PLCB4: variants seen among roughly 807,000 people sequenced by gnomAD.
PLCB4 encodes 1-phosphatidylinositol 4,5-bisphosphate phosphodiesterase beta-4.
In PLCB4, 77 loss-of-function variants were observed where a neutral mutation model predicts 178.8. The ratio of observed to expected loss-of-function variants is 0.43; its 90% CI spans 0.36 to 0.52. The LOEUF (loss-of-function observed/expected upper bound fraction) is 0.52, where lower values mean the gene tolerates loss of function less well. PLCB4 is among the 20% of genes least tolerant of loss of function. The pLI, the probability that PLCB4 is intolerant of heterozygous loss-of-function variation, is 0.00. For missense variants in PLCB4, 1,024 were observed against 1,453.4 expected, an observed-to-expected ratio of 0.70 and a Z score of 4.80; for synonymous variants, 496 against 490.8, an observed-to-expected ratio of 1.01 and a Z score of -0.14.
rs188966913 is a variant in PLCB4 at position 9,329,096 on chromosome 20, C to T, written c.85-8030C>T. ...CTAGCTGGCTGGTGCCATGTTGCCTCGTCCTTATTGTACACGTGGTGACAA... is the reference window on the plus strand; with the variant it reads ...CTAGCTGGCTGGTGCCATGTTGCCTTGTCCTTATTGTACACGTGGTGACAA... On this transcript the variant is annotated intron_variant, in intron 4 of 39. Transcript: ENST00000378473. Among the ~76,000 whole-genome samples, 7 of 152,260 alleles carry T rather than the reference C, an allele frequency of 4.6e-5. No individual in the cohort carries two copies. In the East Asian group the frequency reaches 1.4e-3, roughly 29 times the overall value.
chr20:9,466,618 A>G (rs1334259431), intron 35 of PLCB4, among the ~76,000 whole-genome samples: 1 of 152,244 alleles, frequency 6.6e-6, no homozygotes, highest in Non-Finnish European at 1.5e-5. Flanking sequence ...AAGTAGGCAA[A>G]GGATATGAAC....
intron 20 of PLCB4, among the ~76,000 whole-genome samples, chr20:9,401,815 C>T (rs2039050231): frequency 6.6e-6 from 1 of 152,264 alleles, no homozygotes; most frequent in Non-Finnish European, 1.5e-5. Context: ...AACCACTACC[C>T]ATTTGGCCAG....
intron 2 of PLCB4, among the ~76,000 whole-genome samples, chr20:9,197,312 A>G (rs1211831508): frequency 6.6e-6 from 1 of 152,180 alleles, no homozygotes; most frequent in Admixed American, 6.5e-5. Flanking sequence ...CAATATGGGC[A>G]CCACTTGCTG....
intron 2 of PLCB4, among the ~76,000 whole-genome samples, chr20:9,144,725 AAGGAGGGGAAGGAGG>A (rs2092563525): frequency 3.0e-4 from 2 of 6,752 alleles, no homozygotes; most frequent in African/African-American, 1.5e-3. Context: ...GAAGAAGGGG[AAGGAGGGGAAGGAGG>A]GGAAGGAGGG....
At chr20:9,444,337 C>T (rs927699462) in intron 32 of PLCB4, 94 bp downstream of exon 32, 1 of 735,852 alleles carries the variant, frequency 1.4e-6, no homozygotes. Flanking sequence ...GACCACTTAA[C>T]AGTAATAACT....
At chr20:9,093,718 C>T in intron 1 of PLCB4, among the ~76,000 whole-genome samples, 1 of 151,892 alleles carries the variant, frequency 6.6e-6, no homozygotes, top group Non-Finnish European at 1.5e-5. Flanking sequence ...TTCCCCAAAC[C>T]ATGACATAAA....
chr20:9,458,488 C>T (rs1162277490), intron 34 of PLCB4, among the ~76,000 whole-genome samples: 4 of 152,214 alleles, frequency 2.6e-5, no homozygotes, highest in Non-Finnish European at 5.9e-5. Context: ...ACAACTACTA[C>T]AGTTTATTAG....
chr20:9,342,535 A>G (rs1028994810), intron 7 of PLCB4, among the ~76,000 whole-genome samples: 11 of 152,296 alleles, frequency 7.2e-5, no homozygotes, highest in African/African-American at 2.4e-4. Flanking sequence ...TAATTCATAT[A>G]TACCTTAAAC....
At chr20:9,395,727 G>T (rs2038527811) in intron 19 of PLCB4, 109 bp downstream of exon 19, 2 of 711,156 alleles carry the variant, frequency 2.8e-6, no homozygotes, top group Admixed American at 2.4e-5. Flanking sequence ...ACTTGGGGAG[G>T]CCAAGGTGGG....
At chr20:9,069,565 C>T (rs1404533474) in intron 1 of PLCB4, among the ~76,000 whole-genome samples, 2 of 152,044 alleles carry the variant, frequency 1.3e-5, no homozygotes. Context: ...ATCTTCTTGC[C>T]TCTTCTGGGG....
chr20:9,478,894 C>G (rs776523695), intron 39 of PLCB4, 27 bp from the exon 40 acceptor site: 1 of 1,576,888 alleles, frequency 6.3e-7, no homozygotes, highest in African/African-American at 1.3e-5. Flanking sequence ...TTTCAACACA[C>G]GTAAGGCCAT....
intron 36 of PLCB4, among the ~76,000 whole-genome samples, chr20:9,470,721 G>A (rs938724148): frequency 6.6e-6 from 1 of 152,008 alleles, no homozygotes; most frequent in Non-Finnish European, 1.5e-5. Flanking sequence ...ACTGTATGGG[G>A]GTACGTGAGA....
intron 3 of PLCB4, among the ~76,000 whole-genome samples, chr20:9,257,632 T>G (rs2094250337): frequency 6.6e-6 from 1 of 152,192 alleles, no homozygotes; most frequent in Admixed American, 6.5e-5. Context: ...TGGAAAGATC[T>G]TCATTTTGAT....
chr20:9,326,142 T>G (rs988484067), intron 4 of PLCB4, among the ~76,000 whole-genome samples: 1 of 152,130 alleles, frequency 6.6e-6, no homozygotes. Flanking sequence ...CATAGGAATT[T>G]TTGGTGGGGT....
chr20:9,327,844 A>C (rs2030957089), intron 4 of PLCB4, among the ~76,000 whole-genome samples: 1 of 152,214 alleles, frequency 6.6e-6, no homozygotes, highest in Non-Finnish European at 1.5e-5. Context: ...ACTATGTGTC[A>C]AGTGCTCTAA....
chr20:9,314,155 A>T (rs2094870969), intron 4 of PLCB4, among the ~76,000 whole-genome samples: 1 of 152,182 alleles, frequency 6.6e-6, no homozygotes, highest in Non-Finnish European at 1.5e-5. Context: ...ACAGGGGTGA[A>T]GGCACAGAGA....
At chr20:9,440,388 G>A (rs1055484330) in intron 30 of PLCB4, among the ~76,000 whole-genome samples, 8 of 152,176 alleles carry the variant, frequency 5.3e-5, no homozygotes, top group African/African-American at 1.9e-4. Context: ...GTATACAGCT[G>A]ATTGGGAGCT....
chr20:9,202,647 C>A (rs1290873052), intron 2 of PLCB4, among the ~76,000 whole-genome samples: 1 of 152,150 alleles, frequency 6.6e-6, no homozygotes, highest in African/African-American at 2.4e-5. Context: ...CTTAGAGGGA[C>A]CTTGCCAGCT....
At chr20:9,121,812 AT>A in intron 2 of PLCB4, among the ~76,000 whole-genome samples, 1 of 152,190 alleles carries the variant, frequency 6.6e-6, no homozygotes, top group Non-Finnish European at 1.5e-5. Context: ...ATGTTTTCCA[AT>A]TGCTTATATT....
Sources: allele counts gnomAD v4.1 joint callset (sites outside exome capture counted in the v4.1 genomes callset), GRCh38; gene constraint gnomAD v4.1.1; transcripts MANE v1.5; gene names NCBI Gene and HGNC (gene_info 2026-07-23, HGNC 2026-07-21).